Variants in PIK3CB observed in about 807,000 individuals in gnomAD.
The protein encoded by PIK3CB is phosphatidylinositol-4,5-bisphosphate 3-kinase catalytic subunit beta.
PIK3CB carries 39 observed loss-of-function variants against 136.8 expected under a neutral mutation model. The observed-to-expected ratio is 0.29, with a 90% CI of 0.22 to 0.37. The LOEUF (loss-of-function observed/expected upper bound fraction) is 0.37. PIK3CB is among the 10% of genes least tolerant of loss of function. PIK3CB has a pLI of 1.00. For missense variants in PIK3CB, 868 were observed against 1,275.4 expected (o/e 0.68, Z 4.87); for synonymous variants, 428 against 436.6 (o/e 0.98, Z 0.25).
At chr3:138,774,451 T>G (rs1290394705) in intron 2 of PIK3CB, among the ~76,000 whole-genome samples, 10 of 152,266 alleles carry the variant, frequency 6.6e-5, no homozygotes, top group Admixed American at 6.5e-4. Context: ...ATTGTCTAGA[T>G]GACTGCTTCT....
intron 8 of PIK3CB, among the ~76,000 whole-genome samples, chr3:138,719,875 C>A (rs1298454424): frequency 6.6e-6 from 1 of 151,904 alleles, no homozygotes; most frequent in Non-Finnish European, 1.5e-5. Context: ...TTCATATAAA[C>A]TCCCAATCTG....
chr3:138,725,138 CTATGCAATA>C (rs535755196), intron 8 of PIK3CB, among the ~76,000 whole-genome samples: 9 of 152,114 alleles, frequency 5.9e-5, no homozygotes, highest in Non-Finnish European at 1.3e-4. Flanking sequence ...GACTTCACTT[CTATGCAATA>C]TATGCATGTA....
At chr3:138,692,982 G>A (rs1189726593) in intron 14 of PIK3CB, among the ~76,000 whole-genome samples, 2 of 152,110 alleles carry the variant, frequency 1.3e-5, no homozygotes, top group African/African-American at 4.8e-5. Flanking sequence ...AATTAAATAA[G>A]ATATATCCCT....
intron 2 of PIK3CB, among the ~76,000 whole-genome samples, chr3:138,769,361 G>T (rs1399022369): frequency 6.6e-6 from 1 of 152,092 alleles, no homozygotes; most frequent in Non-Finnish European, 1.5e-5. Context: ...CCTATATTTG[G>T]CTATGTTGTT....
chr3:138,695,817 G>C (rs1224850174), intron 13 of PIK3CB, among the ~76,000 whole-genome samples: 1 of 151,836 alleles, frequency 6.6e-6, no homozygotes, highest in African/African-American at 2.4e-5. Flanking sequence ...TGCAATCTTG[G>C]CTCACTACAA....
intron 4 of PIK3CB, among the ~76,000 whole-genome samples, chr3:138,752,191 G>C (rs2108706342): frequency 6.6e-6 from 1 of 151,922 alleles, no homozygotes; most frequent in Non-Finnish European, 1.5e-5. Context: ...TCAAACAACA[G>C]CTCTGTAAAT....
chr3:138,774,449 G>C (rs1351368958), intron 2 of PIK3CB, among the ~76,000 whole-genome samples: 1 of 152,160 alleles, frequency 6.6e-6, no homozygotes, highest in Non-Finnish European at 1.5e-5. Flanking sequence ...TCATTGTCTA[G>C]ATGACTGCTT....
At chr3:138,798,411 C>A (rs557328321) in intron 1 of PIK3CB, among the ~76,000 whole-genome samples, 63 of 152,286 alleles carry the variant, frequency 4.1e-4, no homozygotes, top group African/African-American at 1.5e-3. Context: ...GATCCACCCA[C>A]GTCAGCCTCC....
intron 10 of PIK3CB, among the ~76,000 whole-genome samples, chr3:138,708,151 A>G (rs764061383): frequency 9.9e-5 from 15 of 152,154 alleles, no homozygotes; most frequent in Non-Finnish European, 2.1e-4. Flanking sequence ...TAAAGTATGC[A>G]CACTCAGAAT....
chr3:138,708,586 G>A (rs1000343963), intron 10 of PIK3CB, among the ~76,000 whole-genome samples: 1 of 124,590 alleles, frequency 8.0e-6, no homozygotes, highest in African/African-American at 2.9e-5. Context: ...CCTGGATGGA[G>A]GCAACTCTTT....
intron 18 of PIK3CB, among the ~76,000 whole-genome samples, chr3:138,682,294 C>G (rs2043798438): frequency 6.6e-6 from 1 of 152,170 alleles, no homozygotes; most frequent in African/African-American, 2.4e-5. Flanking sequence ...ATAAGCATAG[C>G]TTCGGAGAAC....
chr3:138,832,743 C>A (rs1322063992), intron 1 of PIK3CB, among the ~76,000 whole-genome samples: 1 of 150,032 alleles, frequency 6.7e-6, no homozygotes, highest in African/African-American at 2.5e-5. Context: ...GCAGGAGAAT[C>A]GCTTGAACCC....
At chr3:138,800,615 C>G (rs1053640412) in intron 1 of PIK3CB, among the ~76,000 whole-genome samples, 2 of 151,846 alleles carry the variant, frequency 1.3e-5, no homozygotes, top group African/African-American at 4.8e-5. Flanking sequence ...CTGCACCCAG[C>G]TACAACTCTA....
At chr3:138,727,979 G>A (rs2044877581) in intron 8 of PIK3CB, among the ~76,000 whole-genome samples, 1 of 151,816 alleles carries the variant, frequency 6.6e-6, no homozygotes, top group African/African-American at 2.4e-5. Flanking sequence ...GGATGGTCTC[G>A]ATCTCCTGAC....
intron 8 of PIK3CB, among the ~76,000 whole-genome samples, chr3:138,725,484 TC>T (rs2044817956): frequency 3.9e-5 from 6 of 152,230 alleles, no homozygotes; most frequent in Admixed American, 3.9e-4. Context: ...TGTTAGACTT[TC>T]TAGTATTTTC....
At chr3:138,748,141 A>G (rs2045398534) in intron 4 of PIK3CB, among the ~76,000 whole-genome samples, 1 of 140,260 alleles carries the variant, frequency 7.1e-6, no homozygotes, top group Non-Finnish European at 1.5e-5. Context: ...ATTTTGCAAT[A>G]TTTATTAGAA....
chr3:138,829,722 G>A (rs542946305), intron 1 of PIK3CB, among the ~76,000 whole-genome samples: 11 of 152,236 alleles, frequency 7.2e-5, no homozygotes, highest in African/African-American at 2.6e-4. Context: ...AGGAGGCGGA[G>A]GTTGCAGTGA....
rs361090 is a variant in PIK3CB at position 138,659,231 on chromosome 3, C to T, written c.2797-1396G>A. Among the ~76,000 whole-genome samples the T allele has an allele frequency of 7.5e-3, 1,136 of 152,338 alleles. 23 individuals carry two copies. Among genetic ancestry groups the T allele is most frequent in the African/African-American group, 0.025 (1,050 of 41,578 alleles). On this transcript the variant is annotated intron_variant, in intron 21 of 23. Transcript: ENST00000674063. Reference sequence around the variant, plus strand: ...GTCCCCTGAGTGAAAAATCACCCCACTTGATAATTATTGGTTTAGGCACTT... The same window carrying T: ...GTCCCCTGAGTGAAAAATCACCCCATTTGATAATTATTGGTTTAGGCACTT...
At chr3:138,787,908 A>T (rs905272111) in intron 2 of PIK3CB, among the ~76,000 whole-genome samples, 1 of 146,814 alleles carries the variant, frequency 6.8e-6, no homozygotes, top group Admixed American at 7.3e-5. Context: ...TCTCACTAAA[A>T]TTTAACTAGA....
Sources: gnomAD v4.1 joint callset for allele counts (sites outside exome capture counted in the v4.1 genomes callset) on GRCh38, gnomAD v4.1.1 for gene constraint, MANE v1.5 for transcripts, NCBI Gene and HGNC (gene_info 2026-07-23, HGNC 2026-07-21) for gene names.